The following COL4A2 variants were observed in gnomAD, a reference collection of about 807,000 sequenced individuals.
COL4A2 encodes the protein collagen alpha-2(IV) chain.
Under a neutral mutation model 200.2 loss-of-function variants are expected in COL4A2, and 99 were observed. The ratio of observed to expected loss-of-function variants is 0.49; its 90% CI spans 0.42 to 0.58. The LOEUF (loss-of-function observed/expected upper bound fraction) is 0.58. Ranked by LOEUF, COL4A2 falls within the 20% of genes least tolerant of loss-of-function variation. COL4A2 has a pLI of 0.00. For missense variants in COL4A2, 1,950 were observed against 2,314.1 expected (o/e 0.84, Z 3.23); for synonymous variants, 897 against 900.6 (o/e 1.00, Z 0.07).
intron 3 of COL4A2, among the ~76,000 whole-genome samples, chr13:110,311,892 G>A (rs1002755259): frequency 3.9e-5 from 6 of 152,192 alleles, no homozygotes; most frequent in South Asian, 2.1e-4. Context: ...GGCTGTCCTC[G>A]GGGCTCCAGC....
chr13:110,456,918 C>T (rs1286709544), intron 20 of COL4A2: 1 of 474,798 alleles, frequency 2.1e-6, no homozygotes, highest in Non-Finnish European at 4.1e-6. Flanking sequence ...GCGTGGGACC[C>T]CAGGCGTCCG....
At chr13:110,314,720 C>T (rs1332189428) in intron 3 of COL4A2, among the ~76,000 whole-genome samples, 3 of 152,250 alleles carry the variant, frequency 2.0e-5, no homozygotes, top group African/African-American at 4.8e-5. Context: ...TGGAGGAGCC[C>T]GGTGCTGCCC....
chr13:110,511,461 G>A (rs907215823), intron 47 of COL4A2, among the ~76,000 whole-genome samples: 5 of 151,888 alleles, frequency 3.3e-5, no homozygotes, highest in African/African-American at 1.2e-4. Context: ...GCCTGGCTGG[G>A]TGATTATTTT....
At chr13:110,458,090 C>G in intron 21 of COL4A2, 1 of 468,466 alleles carries the variant, frequency 2.1e-6, no homozygotes, top group Non-Finnish European at 4.4e-6. Flanking sequence ...CTGGGACTTA[C>G]CACGTCTTGG....
chr13:110,512,212 G>T lies in COL4A2; in HGVS notation c.*21G>T. On this transcript the variant is annotated 3_prime_UTR_variant, in exon 48 of 48. Coordinates refer to ENST00000360467, the MANE Select transcript of COL4A2 (RefSeq NM_001846.4). ...TGTGAGCCGGCGCGTGCCAGGAAGG[G>T]CCATTTTGGTGCTTATTCTTAACTT... 6.2e-7 allele frequency: 1 copy of T among 1,602,258 alleles called. No homozygotes were observed.
In COL4A2 at chr13:110,483,669, A is replaced by G. The variant is rs1478711301; in HGVS notation, c.2902+1010A>G. Among the ~76,000 whole-genome samples the G allele has an allele frequency of 2.0e-5, 3 of 147,662 alleles. No homozygotes were observed. The East Asian group carries it at 5.8e-4, about 28-fold the overall frequency. Reference sequence around the variant, plus strand: ...AGATGTCCCCAGTAAGCAAGTTTACAGAAATGAAAAGTGGATTCGCAGTTT... The same window carrying G: ...AGATGTCCCCAGTAAGCAAGTTTACGGAAATGAAAAGTGGATTCGCAGTTT... On this transcript the variant is annotated intron_variant, in intron 32 of 47. Transcript: ENST00000360467.
intron 3 of COL4A2, among the ~76,000 whole-genome samples, chr13:110,321,065 A>T (rs1319059527): frequency 6.6e-6 from 1 of 152,196 alleles, no homozygotes; most frequent in East Asian, 1.9e-4. Flanking sequence ...ATCTTGGCAC[A>T]TTATCAATAT....
Position 110,458,804 on chromosome 13 carries a change from A to T in COL4A2, c.1466A>T (p.Asp489Val). 1 of 1,614,030 alleles carries T rather than the reference A, an allele frequency of 6.2e-7. No individual in the cohort carries two copies. Among genetic ancestry groups the T allele is most frequent in the East Asian group, 2.2e-5 (1 of 44,866 alleles). Residue 489 changes from aspartate to valine, a missense_variant, in exon 22 of 48, where the codon GAC (aspartate) becomes GTC (valine). Coordinates refer to ENST00000360467, the MANE Select transcript of COL4A2 (RefSeq NM_001846.4). ...GGGGAATGCAGATGTACAGAAGGCG[A>T]CGAAGCTATCAAAGGTCTTCCGGGA... is the stretch of plus-strand genomic sequence containing the variant. ...DAGECRCTEG[D>V]EAIKGLPGLP...
Position 110,465,550 on chromosome 13 carries a change from C to T in COL4A2, c.1922C>T (p.Pro641Leu), listed in dbSNP as rs754896444. 6.2e-7 allele frequency: 1 copy of T among 1,614,014 alleles called. No homozygotes were observed. The highest frequency in any genetic ancestry group is 2.2e-5 in the East Asian group (1 of 44,880). Residue 641 changes from proline (P) to leucine (L), a missense_variant, in exon 25 of 48, where the codon CCT becomes CTT. Pro to Leu is a moderately conservative substitution (Grantham distance 98). Transcript: ENST00000360467. ...QRGFPGDAGL[P>L]GPPGFLGPPG... The stretch of plus-strand genomic sequence containing the variant: ...GGTTTCCCTGGAGACGCCGGCTTAC[C>T]TGGACCACCAGGCTTCCTGGGCCCT...
At chr13:110,470,903 TTTC>T (rs978579548) in intron 28 of COL4A2, among the ~76,000 whole-genome samples, 9 of 152,276 alleles carry the variant, frequency 5.9e-5, no homozygotes, top group Middle Eastern at 3.4e-3. Flanking sequence ...ATATGATGCG[TTTC>T]TCCATGTTTT....
intron 22 of COL4A2, 21 bp from the exon 23 acceptor site, chr13:110,462,093 T>A: frequency 6.2e-7 from 1 of 1,614,118 alleles, no homozygotes; most frequent in Non-Finnish European, 8.5e-7. Flanking sequence ...AGGAAGATAT[T>A]TTTTTGTCTG....
chr13:110,439,914 A>G, intron 16 of COL4A2, 81 bp downstream of exon 16: 1 of 1,533,036 alleles, frequency 6.5e-7, no homozygotes, highest in South Asian at 1.3e-5. Flanking sequence ...TTGGCATCTC[A>G]GGAAAGAAAA....
At chr13:110,411,771 G>A (rs1028365762) in intron 4 of COL4A2, among the ~76,000 whole-genome samples, 1 of 152,202 alleles carries the variant, frequency 6.6e-6, no homozygotes, top group Non-Finnish European at 1.5e-5. Flanking sequence ...CCAAGGTCAT[G>A]TCTGTTCCTC....
At position 110,493,574 on chromosome 13, in the gene COL4A2, T is replaced by C. The variant is rs2391834; in HGVS notation, c.3634+292T>C. Among the ~76,000 whole-genome samples the C allele has an allele frequency of 0.32, 48,166 of 151,966 alleles. 8,335 individuals carry two copies. The highest frequency in any genetic ancestry group is 0.42 in the East Asian group (2,160 of 5,158). The stretch of plus-strand genomic sequence containing the variant: ...AGTCCTTGCTTTTTCAGCAGCACCG[T>C]TGGGAGGGTGGGATGCACCTGCGCC... On this transcript the variant is annotated intron_variant, in intron 39 of 47. Transcript: ENST00000360467.
chr13:110,381,067 G>A (rs1316551168), intron 4 of COL4A2, among the ~76,000 whole-genome samples: 1 of 143,786 alleles, frequency 7.0e-6, no homozygotes, highest in Non-Finnish European at 1.5e-5. Context: ...CACACCCACG[G>A]GCTCTATCTC....
chr13:110,369,202 T>A (rs1307703991), intron 4 of COL4A2, among the ~76,000 whole-genome samples: 1 of 145,978 alleles, frequency 6.9e-6, no homozygotes, highest in Non-Finnish European at 1.5e-5. Context: ...AGAGCGAGAC[T>A]CTGTCTCAGT....
At chr13:110,473,564 G>A (rs1478716381) in intron 29 of COL4A2, 1 of 169,874 alleles carries the variant, frequency 5.9e-6, no homozygotes. Context: ...AATTCTATTG[G>A]TGTAAAAATT....
chr13:110,410,757 T>C (rs1211795884), intron 4 of COL4A2, among the ~76,000 whole-genome samples: 1 of 152,154 alleles, frequency 6.6e-6, no homozygotes, highest in Non-Finnish European at 1.5e-5. Context: ...AGCTAGGTGG[T>C]ATCAGTGAAT....
rs1348230582 is a variant in COL4A2, at chr13:110,457,242, T to G, written c.1340-101T>G. On this transcript the variant is annotated intron_variant, in intron 20 of 47. Coordinates refer to ENST00000360467, the MANE Select transcript of COL4A2 (RefSeq NM_001846.4). ...GTCCGTGGGGCTGATGCCCTGCGTC[T>G]GCGTGGGACCCCAGGCGTCCGTGGG... 7.8e-6 allele frequency: 4 copies of G among 515,168 alleles called. No homozygotes were observed. The African/African-American group carries it at 9.7e-5, about 12-fold the overall frequency. The allele number at this position is 515,168 out of a possible 1,614,324, so 31.9% of individuals were successfully genotyped here. A position where few individuals can be genotyped will look rare whatever the true frequency, so the allele number is the denominator to read the frequency against.
Sources: gnomAD v4.1 joint callset for allele counts (sites outside exome capture counted in the v4.1 genomes callset) on GRCh38, gnomAD v4.1.1 for gene constraint, MANE v1.5 for transcripts, NCBI Gene and HGNC (gene_info 2026-07-23, HGNC 2026-07-21) for gene names.